ADGRL4: variants seen among roughly 807,000 people sequenced by gnomAD.
ADGRL4 encodes adhesion G protein-coupled receptor L4, also known as EGF, latrophilin and seven transmembrane domain containing 1.
In ADGRL4, 90 loss-of-function variants were observed where a neutral mutation model predicts 74.8. The ratio of observed to expected loss-of-function variants is 1.20; its 90% CI spans 1.02 to 1.43. The LOEUF is 1.43. Ranked by LOEUF, ADGRL4 falls within the 40% of genes most tolerant of loss-of-function variation. ADGRL4 has a pLI of 0.00. For missense variants in ADGRL4, 881 were observed against 814.3 expected (o/e 1.08, Z -1.00); for synonymous variants, 311 against 279.2 (o/e 1.11, Z -1.14).
At chr1:78,958,013 A>C (rs1214074564) in intron 2 of ADGRL4, among the ~76,000 whole-genome samples, 1 of 152,182 alleles carries the variant, frequency 6.6e-6, no homozygotes, top group Non-Finnish European at 1.5e-5. Flanking sequence ...CTTGTGCTCT[A>C]TAAAGAAACA....
chr1:78,989,605 G>A (rs968379143), intron 2 of ADGRL4, among the ~76,000 whole-genome samples: 3 of 151,704 alleles, frequency 2.0e-5, no homozygotes, highest in Non-Finnish European at 2.9e-5. Context: ...GTAGTTTGTG[G>A]AGTTTGGGAA....
intron 2 of ADGRL4, among the ~76,000 whole-genome samples, chr1:78,946,915 A>C (rs1265698791): frequency 1.3e-5 from 2 of 152,208 alleles, no homozygotes; most frequent in African/African-American, 2.4e-5. Flanking sequence ...GTATTCATTA[A>C]TGCATTTATT....
At chr1:79,002,534 A>G (rs1372695534) in intron 2 of ADGRL4, among the ~76,000 whole-genome samples, 1 of 152,134 alleles carries the variant, frequency 6.6e-6, no homozygotes, top group East Asian at 1.9e-4. Context: ...GTTGACAAAG[A>G]AGAGCCATTG....
intron 2 of ADGRL4, among the ~76,000 whole-genome samples, chr1:78,956,619 A>G (rs1649835187): frequency 6.6e-6 from 1 of 152,206 alleles, no homozygotes; most frequent in South Asian, 2.1e-4. Flanking sequence ...ATGCAAAACC[A>G]GGTTGCTCAA....
At chr1:78,916,949 G>A (rs1241811174) in intron 12 of ADGRL4, among the ~76,000 whole-genome samples, 2 of 151,762 alleles carry the variant, frequency 1.3e-5, no homozygotes, top group Non-Finnish European at 2.9e-5. Flanking sequence ...TATTTAGAAT[G>A]GAACATATAA....
chr1:78,923,907 T>C (rs764169793), intron 8 of ADGRL4, among the ~76,000 whole-genome samples: 2 of 151,870 alleles, frequency 1.3e-5, no homozygotes, highest in Non-Finnish European at 2.9e-5. Context: ...AGGGAGAGAT[T>C]ACCAAGAAAT....
At chr1:78,963,439 G>T (rs12047963) in intron 2 of ADGRL4, among the ~76,000 whole-genome samples, 13,641 of 152,072 alleles carry the variant, frequency 0.09, 828 homozygotes, top group East Asian at 0.35. Context: ...GTATTCTCAC[G>T]CCCAGTATGC....
chr1:78,958,809 T>C (rs1220319186), intron 2 of ADGRL4, among the ~76,000 whole-genome samples: 1 of 152,224 alleles, frequency 6.6e-6, no homozygotes, highest in Non-Finnish European at 1.5e-5. Flanking sequence ...TGCTATCAAA[T>C]AGCATTGCAT....
intron 2 of ADGRL4, among the ~76,000 whole-genome samples, chr1:78,969,600 G>C (rs1239512873): frequency 1.3e-5 from 2 of 152,138 alleles, no homozygotes; most frequent in Non-Finnish European, 2.9e-5. Context: ...CAATCCAAAG[G>C]TGTGAGGAAA....
At chr1:78,997,584 A>T (rs1422827000) in intron 2 of ADGRL4, among the ~76,000 whole-genome samples, 2 of 152,064 alleles carry the variant, frequency 1.3e-5, no homozygotes, top group East Asian at 3.9e-4. Flanking sequence ...AATTTTTGTA[A>T]TTGTTTGGAT....
rs1648246649 is a variant in ADGRL4 at position 78,890,497 on chromosome 1, T to G, written c.*657A>C. On this transcript the variant is annotated 3_prime_UTR_variant, in exon 15 of 15. Coordinates refer to ENST00000370742, the MANE Select transcript of ADGRL4 (RefSeq NM_022159.4). ...TTTTCAATTTGTGGAGGTAAACCTT[T>G]TTTTTTTTTTTAGAATATTAGAAAA... 1 of 151,412 alleles carries G rather than the reference T, an allele frequency of 6.6e-6. No individual in the cohort carries two copies. The highest frequency in any genetic ancestry group is 1.5e-5 in the Non-Finnish European group (1 of 67,768). 9.4% of individuals were successfully genotyped at this position (151,412 alleles called of 1,614,324 possible). A position where few individuals can be genotyped will look rare whatever the true frequency, so the allele number is the denominator to read the frequency against.
At chr1:78,960,081 A>G (rs903109474) in intron 2 of ADGRL4, among the ~76,000 whole-genome samples, 1 of 152,182 alleles carries the variant, frequency 6.6e-6, no homozygotes, top group Admixed American at 6.5e-5. Flanking sequence ...CAAAAAACAC[A>G]AAGATGAATC....
intron 12 of ADGRL4, among the ~76,000 whole-genome samples, chr1:78,917,381 T>C (rs1162323950): frequency 6.6e-6 from 1 of 150,610 alleles, no homozygotes; most frequent in East Asian, 1.9e-4. Context: ...TATACATGAT[T>C]TTTTTTATAT....
chr1:79,003,619 T>A (rs1387760264), intron 2 of ADGRL4, among the ~76,000 whole-genome samples: 1 of 152,006 alleles, frequency 6.6e-6, no homozygotes, highest in Non-Finnish European at 1.5e-5. Flanking sequence ...AAGAAATCAT[T>A]AGAAACGTGA....
At chr1:78,909,239 T>G (rs965023644) in intron 12 of ADGRL4, among the ~76,000 whole-genome samples, 1 of 152,008 alleles carries the variant, frequency 6.6e-6, no homozygotes, top group Non-Finnish European at 1.5e-5. Flanking sequence ...TAATATAACT[T>G]TAATGTGGAC....
intron 12 of ADGRL4, among the ~76,000 whole-genome samples, chr1:78,914,076 G>T (rs535468797): frequency 2.0e-5 from 3 of 151,746 alleles, no homozygotes; most frequent in Admixed American, 1.3e-4. Context: ...TTGTTTTGCC[G>T]TTTGTTCTCC....
Position 78,921,700 on chromosome 1 carries a change from C to G in ADGRL4, c.1170G>C (p.Glu390Asp), listed in dbSNP as rs1476308337. The G allele has an allele frequency of 5.6e-6, 9 of 1,603,810 alleles. No homozygotes were observed. Among genetic ancestry groups the G allele is most frequent in the Non-Finnish European group, 5.1e-6 (6 of 1,174,982 alleles). ...TGTGGGTCTCATTTGAGTATGTCAG[C>G]TCACAGCCCTCTGAAGACCAGCTGC... is the stretch of plus-strand genomic sequence containing the variant. ...MNGSWSSEGC[E>D]LTYSNETHTS... The change falls in exon 9 of 15, where the codon GAG becomes GAC. Residue 390 changes from glutamate to aspartate, a missense_variant. Glu to Asp is a conservative substitution (Grantham distance 45). Coordinates refer to ENST00000370742, the MANE Select transcript of ADGRL4 (RefSeq NM_022159.4).
At chr1:78,914,781 G>A (rs7552978) in intron 12 of ADGRL4, among the ~76,000 whole-genome samples, 43,092 of 151,612 alleles carry the variant, frequency 0.28, 6,182 homozygotes, top group Middle Eastern at 0.32. Context: ...CAGAGTGGTT[G>A]GTTCTGAGAT....
At chr1:78,988,034 T>C (rs1034699816) in intron 2 of ADGRL4, among the ~76,000 whole-genome samples, 3 of 151,752 alleles carry the variant, frequency 2.0e-5, no homozygotes, top group African/African-American at 7.2e-5. Flanking sequence ...ATTGACCAAC[T>C]AGTAGGAAAC....
Sources: allele counts gnomAD v4.1 joint callset (sites outside exome capture counted in the v4.1 genomes callset), GRCh38; gene constraint gnomAD v4.1.1; transcripts MANE v1.5; gene names NCBI Gene and HGNC (gene_info 2026-07-23, HGNC 2026-07-21).